NKAIN3: variants seen among roughly 807,000 people sequenced by gnomAD.
The protein encoded by NKAIN3 is sodium/potassium transporting ATPase interacting 3, also known as sodium/potassium-transporting ATPase subunit beta-1-interacting protein 3.
A neutral mutation model predicts 30.2 loss-of-function variants in NKAIN3; 25 were observed. The observed-to-expected ratio is 0.83, with a 90% CI of 0.60 to 1.16. NKAIN3 has a LOEUF of 1.16. Among genes scored for constraint, NKAIN3 ranks in the 50% most tolerant of loss-of-function variants. The pLI, the probability that NKAIN3 is intolerant of heterozygous loss-of-function variation, is 0.00. For missense variants in NKAIN3, 225 were observed against 254.1 expected (o/e 0.89, Z 0.78); for synonymous variants, 91 against 89.6 (o/e 1.02, Z -0.09).
chr8:62,464,644 A>G (rs1585837872), intron 1 of NKAIN3, among the ~76,000 whole-genome samples: 1 of 152,206 alleles, frequency 6.6e-6, no homozygotes, highest in Non-Finnish European at 1.5e-5. Flanking sequence ...AATGTAAGAA[A>G]AGTCTCCCGT....
intron 3 of NKAIN3, among the ~76,000 whole-genome samples, chr8:62,688,431 A>C (rs543955446): frequency 6.6e-6 from 1 of 152,336 alleles, no homozygotes; most frequent in East Asian, 1.9e-4. Flanking sequence ...TTTGCTAAAC[A>C]TTAAATCTGT....
At chr8:62,278,599 G>A (rs373714534) in intron 1 of NKAIN3, among the ~76,000 whole-genome samples, 2 of 151,424 alleles carry the variant, frequency 1.3e-5, no homozygotes, top group African/African-American at 4.9e-5. Flanking sequence ...TCATTGTTCA[G>A]TTCACACCTA....
At chr8:62,714,824 A>T (rs1477922054) in intron 3 of NKAIN3, among the ~76,000 whole-genome samples, 1 of 152,212 alleles carries the variant, frequency 6.6e-6, no homozygotes, top group East Asian at 1.9e-4. Flanking sequence ...CGATGCTTGG[A>T]TCACTTGCAA....
chr8:62,320,676 C>T (rs1814851451), intron 1 of NKAIN3, among the ~76,000 whole-genome samples: 1 of 152,224 alleles, frequency 6.6e-6, no homozygotes, highest in Non-Finnish European at 1.5e-5. Context: ...TCTCTTCTGG[C>T]TTGTAGAGTT....
rs368015225 is a variant in NKAIN3, at chr8:62,395,370, G to A, written c.54+146243G>A. 1.7e-4 allele frequency among the ~76,000 whole-genome samples: 26 copies of A among 152,236 alleles called. 1 individual carries two copies. The South Asian group carries it at 3.5e-3, about 21-fold the overall frequency. On this transcript the variant is annotated intron_variant, in intron 1 of 6. Transcript: ENST00000623646. ...TTCCCAGACCGAGGGAGGTGGTGGT[G>A]GGGGGTGGCCCGGCAGAAGCGCTCT... is the stretch of plus-strand genomic sequence containing the variant.
chr8:62,294,671 G>A (rs1813768876), intron 1 of NKAIN3, among the ~76,000 whole-genome samples: 1 of 151,770 alleles, frequency 6.6e-6, no homozygotes, highest in South Asian at 2.1e-4. Context: ...CCTTAGCCTG[G>A]GGACCACAAG....
chr8:62,542,913 G>A (rs1259710836), intron 1 of NKAIN3, among the ~76,000 whole-genome samples: 2 of 152,178 alleles, frequency 1.3e-5, no homozygotes, highest in African/African-American at 2.4e-5. Flanking sequence ...TATTAATGCA[G>A]TACACTGGCT....
At chr8:62,689,945 AAAAT>A (rs77511780) in intron 3 of NKAIN3, among the ~76,000 whole-genome samples, 12,370 of 145,452 alleles carry the variant, frequency 0.085, 885 homozygotes, top group African/African-American at 0.2. Flanking sequence ...CACCGCACTG[AAAAT>A]AAATAAATAA....
chr8:62,914,777 C>CTTTT (rs34474788), intron 4 of NKAIN3, among the ~76,000 whole-genome samples: 1 of 112,186 alleles, frequency 8.9e-6, no homozygotes, highest in African/African-American at 3.2e-5. Context: ...TTACTGTAAT[C>CTTTT]TTTTTTTTTT....
intron 1 of NKAIN3, among the ~76,000 whole-genome samples, chr8:62,260,396 CA>C (rs1175858328): frequency 6.6e-6 from 1 of 151,844 alleles, no homozygotes; most frequent in Non-Finnish European, 1.5e-5. Context: ...AATTCTTTAC[CA>C]AATTTGTATT....
intron 1 of NKAIN3, among the ~76,000 whole-genome samples, chr8:62,382,378 C>G (rs1270173184): frequency 2.0e-5 from 3 of 152,032 alleles, no homozygotes; most frequent in Non-Finnish European, 4.4e-5. Context: ...AAGGGTTGGT[C>G]TTGCTGTCTC....
At chr8:62,897,680 G>A (rs576976201) in intron 4 of NKAIN3, among the ~76,000 whole-genome samples, 32 of 152,260 alleles carry the variant, frequency 2.1e-4, no homozygotes, top group Admixed American at 1.6e-3. Context: ...ACTCCCAGTG[G>A]AAGGTGTTTG....
intron 1 of NKAIN3, among the ~76,000 whole-genome samples, chr8:62,493,020 TAACTTAATTA>T (rs1807120360): frequency 6.6e-6 from 1 of 152,174 alleles, no homozygotes. Flanking sequence ...TAAGTATTTT[TAACTTAATTA>T]AACTTAAACT....
intron 1 of NKAIN3, among the ~76,000 whole-genome samples, chr8:62,394,410 G>A (rs181505266): frequency 3.6e-4 from 55 of 151,252 alleles, no homozygotes; most frequent in Non-Finnish European, 6.9e-4. Flanking sequence ...TAAACCAACT[G>A]TGTATACATG....
chr8:62,617,831 C>T (rs751117624), intron 3 of NKAIN3, among the ~76,000 whole-genome samples: 20 of 152,110 alleles, frequency 1.3e-4, no homozygotes, highest in Non-Finnish European at 2.8e-4. Flanking sequence ...TCTTGTCCTC[C>T]CCCAGGAGAA....
At chr8:62,673,743 A>G (rs534360972) in intron 3 of NKAIN3, among the ~76,000 whole-genome samples, 1 of 152,322 alleles carries the variant, frequency 6.6e-6, no homozygotes, top group African/African-American at 2.4e-5. Flanking sequence ...TGTACTGAAT[A>G]CTATAGGCAG....
intron 1 of NKAIN3, among the ~76,000 whole-genome samples, chr8:62,463,380 C>G (rs1806056857): frequency 6.6e-6 from 1 of 152,158 alleles, no homozygotes; most frequent in South Asian, 2.1e-4. Flanking sequence ...AGCAGACAAA[C>G]AAAATCCCTA....
chr8:62,697,513 T>A (rs1365990017), intron 3 of NKAIN3, among the ~76,000 whole-genome samples: 1 of 152,170 alleles, frequency 6.6e-6, no homozygotes, highest in Non-Finnish European at 1.5e-5. Context: ...CTCCACTGAA[T>A]TCTTTTTTTT....
intron 5 of NKAIN3, among the ~76,000 whole-genome samples, chr8:62,933,349 A>T (rs913892301): frequency 3.3e-5 from 5 of 152,204 alleles, no homozygotes; most frequent in Non-Finnish European, 7.3e-5. Flanking sequence ...AATTATGAAG[A>T]GACTTCAATG....
Sources: gnomAD v4.1 joint callset for allele counts (sites outside exome capture counted in the v4.1 genomes callset) on GRCh38, gnomAD v4.1.1 for gene constraint, MANE v1.5 for transcripts, NCBI Gene and HGNC (gene_info 2026-07-23, HGNC 2026-07-21) for gene names.